Variants in HOMER2 observed in about 807,000 individuals in gnomAD.
HOMER2 encodes the protein homer scaffold protein 2.
A neutral mutation model predicts 47.0 loss-of-function variants in HOMER2; 27 were observed. The observed-to-expected ratio is 0.57, with a 90% CI of 0.42 to 0.79. The LOEUF (loss-of-function observed/expected upper bound fraction) is 0.79. HOMER2 is among the 30% of genes least tolerant of loss of function. The probability of loss-of-function intolerance (pLI) is 0.00; values close to 1 mark genes in which losing one functional copy is unlikely to be tolerated. For synonymous variants in HOMER2, 161 were observed against 163.8 expected (o/e 0.98, Z 0.13); for missense variants, 443 against 435.0 (o/e 1.02, Z -0.16).
Position 82,892,783 on chromosome 15 carries a change from T to C in HOMER2, c.64A>G (p.Lys22Glu). The change falls in exon 2 of 9, where the codon AAG becomes GAG. Residue 22 changes from lysine to glutamate, a missense_variant. Physicochemically the swap from Lys to Glu is moderately conservative, Grantham distance 56. Coordinates refer to ENST00000450735, the MANE Select transcript of HOMER2 (RefSeq NM_004839.4). ...TGCTTGCTCGCAGGCATCCAGTTCT[T>C]CTTGGTGTTGGGGTCAATCTGGAAG... is the stretch of plus-strand genomic sequence containing the variant. ...HVFQIDPNTK[K>E]NWMPASKQAV... 6.2e-7 allele frequency: 1 copy of C among 1,606,938 alleles called. No homozygotes were observed. Among genetic ancestry groups the C allele is most frequent in the Non-Finnish European group, 8.5e-7 (1 of 1,175,064 alleles).
upstream of HOMER2, among the ~76,000 whole-genome samples, chr15:82,953,936 T>G (rs187842722): frequency 6.6e-6 from 1 of 151,786 alleles, no homozygotes; most frequent in African/African-American, 2.4e-5. Context: ...TGTGGTGGCG[T>G]GCTCCTGTAG....
chr15:82,849,735 T>C lies in HOMER2; in HGVS notation c.1012A>G (p.Lys338Glu). ...DLHDFRRGLS[K>E]LGTDN The stretch of plus-strand genomic sequence containing the variant: ...CAGCCCTAGTTATCGGTGCCCAGCT[T>C]GGAGAGCCCTCGGCGGAAGTCATGC... Residue 338 changes from lysine to glutamate, a missense_variant, in exon 9 of 9, where the codon AAG becomes GAG. Physicochemically the swap from Lys to Glu is moderately conservative, Grantham distance 56. Coordinates refer to ENST00000450735, the MANE Select transcript of HOMER2 (RefSeq NM_004839.4). 1.2e-6 allele frequency: 2 copies of C among 1,613,616 alleles called. No homozygotes were observed. The highest frequency in any genetic ancestry group is 8.5e-7 in the Non-Finnish European group (1 of 1,179,752).
chr15:82,927,022 C>A (rs577158367), intron 1 of HOMER2, among the ~76,000 whole-genome samples: 4 of 152,284 alleles, frequency 2.6e-5, no homozygotes, highest in African/African-American at 7.2e-5. Flanking sequence ...TTAATGAGGG[C>A]TCTACTCCTA....
chr15:82,874,216 G>T (rs1333382327), intron 3 of HOMER2, among the ~76,000 whole-genome samples: 2 of 152,192 alleles, frequency 1.3e-5, no homozygotes, highest in African/African-American at 4.8e-5. Context: ...CACAGCAAGG[G>T]TCTAGAGAAA....
At chr15:82,914,811 G>A (rs948201712) in intron 1 of HOMER2, among the ~76,000 whole-genome samples, 2 of 152,182 alleles carry the variant, frequency 1.3e-5, no homozygotes, top group Non-Finnish European at 2.9e-5. Context: ...TGAGTCCTTA[G>A]GAGGACAAAG....
At chr15:82,874,702 G>A (rs565825607) in intron 3 of HOMER2, among the ~76,000 whole-genome samples, 16 of 152,192 alleles carry the variant, frequency 1.1e-4, no homozygotes, top group Non-Finnish European at 2.2e-4. Flanking sequence ...CTTCCATTAT[G>A]CATCACCTTA....
At chr15:82,865,493 A>G (rs181521835) in intron 3 of HOMER2, among the ~76,000 whole-genome samples, 166 of 152,340 alleles carry the variant, frequency 1.1e-3, no homozygotes, top group Non-Finnish European at 2.0e-3. Context: ...AAATCATGTA[A>G]AAGACTTGGT....
chr15:82,962,445 C>T (rs181955945), intron 1 of HOMER2, among the ~76,000 whole-genome samples: 218 of 151,188 alleles, frequency 1.4e-3, no homozygotes, highest in African/African-American at 4.9e-3. Context: ...GGGAGGCTGA[C>T]GCAGGCAGAT....
intron 1 of HOMER2, among the ~76,000 whole-genome samples, chr15:82,935,463 G>A (rs2054120834): frequency 6.6e-6 from 1 of 151,788 alleles, no homozygotes; most frequent in South Asian, 2.1e-4. Flanking sequence ...CTCCTTCTCT[G>A]CCTGCCCTCC....
intron 1 of HOMER2, among the ~76,000 whole-genome samples, chr15:82,895,926 AG>A (rs1378669357): frequency 1.3e-5 from 2 of 152,188 alleles, no homozygotes; most frequent in African/African-American, 4.8e-5. Context: ...TTTACTTTCA[AG>A]GAAGCTGGGG....
chr15:82,864,988 C>T (rs375330822), intron 3 of HOMER2, among the ~76,000 whole-genome samples: 11 of 152,336 alleles, frequency 7.2e-5, no homozygotes, highest in African/African-American at 2.6e-4. Flanking sequence ...AGGCTATCAC[C>T]AATTCTGCAG....
chr15:82,890,728 C>A (rs2052676254), intron 2 of HOMER2, among the ~76,000 whole-genome samples: 1 of 152,130 alleles, frequency 6.6e-6, no homozygotes, highest in Non-Finnish European at 1.5e-5. Context: ...ATATTTAAGC[C>A]CGATATATCC....
upstream of HOMER2, chr15:82,986,106 G>T: frequency 1.0e-6 from 1 of 985,542 alleles, no homozygotes; most frequent in South Asian, 4.7e-5. Flanking sequence ...CGTTGTGCCA[G>T]CATTTGAAGA....
intron 1 of HOMER2, among the ~76,000 whole-genome samples, chr15:82,963,855 C>T (rs1186929745): frequency 6.6e-6 from 1 of 152,152 alleles, no homozygotes; most frequent in Non-Finnish European, 1.5e-5. Flanking sequence ...GGCCTTTCCT[C>T]CTCCAACATC....
At chr15:82,951,187 T>C (rs2054498344) in intron 1 of HOMER2, among the ~76,000 whole-genome samples, 1 of 152,180 alleles carries the variant, frequency 6.6e-6, no homozygotes. Context: ...CAGTTGCTGT[T>C]CATGTGAAAT....
At chr15:82,875,240 G>C (rs1171901619) in intron 3 of HOMER2, 33 bp downstream of exon 3, 1 of 1,608,672 alleles carries the variant, frequency 6.2e-7, no homozygotes, top group African/African-American at 1.3e-5. Flanking sequence ...ATCTGATGCG[G>C]GATTTACTGC....
chr15:82,845,358 C>CA (rs11412409), downstream of HOMER2: 73,605 of 151,350 alleles, frequency 0.49, 18,345 homozygotes, highest in Non-Finnish European at 0.53. Flanking sequence ...TGTTTAAAGC[C>CA]AACTAGAAAA....
At chr15:82,857,761 A>AG (rs1024773285) in intron 5 of HOMER2, among the ~76,000 whole-genome samples, 1 of 151,916 alleles carries the variant, frequency 6.6e-6, no homozygotes, top group African/African-American at 2.4e-5. Flanking sequence ...AACTCTGAGG[A>AG]GGGGGGCTTC....
At chr15:82,893,625 C>CTTT (rs537549847) in intron 1 of HOMER2, among the ~76,000 whole-genome samples, 24 of 134,980 alleles carry the variant, frequency 1.8e-4, no homozygotes, top group African/African-American at 5.1e-4. Flanking sequence ...GCCACTGCGC[C>CTTT]TTTTTTTTTT....
Sources: gnomAD v4.1 joint callset for allele counts (sites outside exome capture counted in the v4.1 genomes callset) on GRCh38, gnomAD v4.1.1 for gene constraint, MANE v1.5 for transcripts, NCBI Gene and HGNC (gene_info 2026-07-23, HGNC 2026-07-21) for gene names.